Variants in RBFOX1 observed in about 807,000 individuals in gnomAD.
RBFOX1 encodes RNA binding protein fox-1 homolog 1.
RBFOX1 carries 8 observed loss-of-function variants against 57.7 expected under a neutral mutation model. That is an observed-to-expected ratio of 0.14 (90% CI 0.08 to 0.25). The LOEUF (loss-of-function observed/expected upper bound fraction) is 0.25. Ranked by LOEUF, RBFOX1 falls within the 10% of genes least tolerant of loss-of-function variation. The pLI is 1.00. For synonymous variants in RBFOX1, 326 were observed against 222.4 expected (o/e 1.47, Z -4.15); for missense variants, 611 against 548.5 (o/e 1.11, Z -1.14).
At chr16:6,196,544 A>C (rs2097181092) in intron 1 of RBFOX1, among the ~76,000 whole-genome samples, 1 of 152,148 alleles carries the variant, frequency 6.6e-6, no homozygotes, top group African/African-American at 2.4e-5. Context: ...CGTGGCTGCG[A>C]CTTAAAAAGC....
chr16:7,220,532 C>G (rs913326594), intron 4 of RBFOX1, among the ~76,000 whole-genome samples: 20 of 152,236 alleles, frequency 1.3e-4, no homozygotes, highest in African/African-American at 4.8e-4. Flanking sequence ...CCTTATGTGC[C>G]CACTTTGGAT....
At chr16:6,856,311 C>T (rs906961103) in intron 3 of RBFOX1, among the ~76,000 whole-genome samples, 1 of 152,116 alleles carries the variant, frequency 6.6e-6, no homozygotes, top group Non-Finnish European at 1.5e-5. Context: ...GAGTTCTATT[C>T]CCAATTCATA....
At chr16:7,132,744 C>G (rs903927575) in intron 4 of RBFOX1, among the ~76,000 whole-genome samples, 2 of 152,048 alleles carry the variant, frequency 1.3e-5, no homozygotes, top group Admixed American at 6.6e-5. Context: ...AAGACAAATA[C>G]TGCATGATTT....
At chr16:7,082,587 AAAG>A (rs1384505702) in intron 4 of RBFOX1, among the ~76,000 whole-genome samples, 8 of 152,118 alleles carry the variant, frequency 5.3e-5, no homozygotes, top group Admixed American at 3.9e-4. Flanking sequence ...AAAATTAAAA[AAAG>A]AAGGTTTCAG....
rs2072369948 is a variant in RBFOX1, at chr16:7,504,739, A to ATATATTTATT, written c.28-13403_28-13402insTTATTTATAT. ...TATATATATATATATATATATATAT[A>ATATATTTATT]TATATATATATATATTTATATATAT... On this transcript the variant is annotated intron_variant, in intron 4 of 15. Transcript: ENST00000550418. 5.0e-4 allele frequency among the ~76,000 whole-genome samples: 4 copies of ATATATTTATT among 7,974 alleles called. 1 individual carries two copies. In the East Asian group the frequency reaches 0.011, roughly 21 times the overall value. 5.2% of individuals were successfully genotyped at this position (7,974 alleles called of 152,430 possible). A position where few individuals can be genotyped will look rare whatever the true frequency, so the allele number is the denominator to read the frequency against.
intron 3 of RBFOX1, among the ~76,000 whole-genome samples, chr16:6,688,586 G>C (rs530248963): frequency 7.2e-5 from 11 of 152,254 alleles, no homozygotes; most frequent in African/African-American, 2.6e-4. Flanking sequence ...ACTACCAGAG[G>C]TGAAGCCTGT....
At chr16:5,950,424 C>T (rs1030283541) in intron 4 of RBFOX1, among the ~76,000 whole-genome samples, 1 of 152,190 alleles carries the variant, frequency 6.6e-6, no homozygotes, top group African/African-American at 2.4e-5. Context: ...ATTGGCAGTT[C>T]CACATTGGTG....
At chr16:7,416,908 C>T (rs2098483505) in intron 4 of RBFOX1, among the ~76,000 whole-genome samples, 1 of 152,174 alleles carries the variant, frequency 6.6e-6, no homozygotes, top group African/African-American at 2.4e-5. Flanking sequence ...TCCTTATTAT[C>T]CACATTTTAT....
At chr16:6,462,147 A>G (rs2094934457) in intron 2 of RBFOX1, among the ~76,000 whole-genome samples, 1 of 152,216 alleles carries the variant, frequency 6.6e-6, no homozygotes, top group Non-Finnish European at 1.5e-5. Context: ...AGCAACTAAT[A>G]TATGGTTTTG....
chr16:6,376,498 T>C (rs1185322994), intron 2 of RBFOX1, among the ~76,000 whole-genome samples: 1 of 152,182 alleles, frequency 6.6e-6, no homozygotes, highest in African/African-American at 2.4e-5. Flanking sequence ...GTTGCTGGCA[T>C]TCCCTGGCAT....
At chr16:7,428,958 C>G (rs1010997557) in intron 4 of RBFOX1, among the ~76,000 whole-genome samples, 1 of 152,032 alleles carries the variant, frequency 6.6e-6, no homozygotes, top group African/African-American at 2.4e-5. Context: ...ATGCCTGGCG[C>G]TCTGCAAAGA....
chr16:5,973,032 C>A (rs1400858427), intron 4 of RBFOX1, among the ~76,000 whole-genome samples: 1 of 152,176 alleles, frequency 6.6e-6, no homozygotes, highest in Non-Finnish European at 1.5e-5. Flanking sequence ...TTAAACATTT[C>A]AGCTGCCCTG....
intron 11 of RBFOX1, among the ~76,000 whole-genome samples, chr16:7,640,459 A>G (rs1161596135): frequency 2.0e-5 from 3 of 152,224 alleles, no homozygotes; most frequent in Admixed American, 6.5e-5. Flanking sequence ...GCCCCCAAAC[A>G]TCTTATTTGT....
At chr16:7,347,663 G>A (rs974831193) in intron 4 of RBFOX1, among the ~76,000 whole-genome samples, 3 of 152,162 alleles carry the variant, frequency 2.0e-5, no homozygotes, top group African/African-American at 7.2e-5. Flanking sequence ...CTCAGCTACA[G>A]AGACTATCAG....
At chr16:5,382,260 T>C (rs778199493) in intron 1 of RBFOX1, among the ~76,000 whole-genome samples, 1 of 152,250 alleles carries the variant, frequency 6.6e-6, no homozygotes, top group African/African-American at 2.4e-5. Flanking sequence ...CTTTTATGTT[T>C]TTAAAAAATG....
At chr16:5,794,564 A>T (rs2054813071) in intron 3 of RBFOX1, among the ~76,000 whole-genome samples, 1 of 151,860 alleles carries the variant, frequency 6.6e-6, no homozygotes, top group Non-Finnish European at 1.5e-5. Flanking sequence ...CTCATTGGAG[A>T]GGTATAGCTG....
intron 2 of RBFOX1, among the ~76,000 whole-genome samples, chr16:6,560,276 G>C (rs943318012): frequency 2.0e-5 from 3 of 151,468 alleles, no homozygotes; most frequent in Non-Finnish European, 4.4e-5. Flanking sequence ...AATTGTGTTA[G>C]AACATGAGCA....
At chr16:7,472,104 T>A (rs557850387) in intron 4 of RBFOX1, among the ~76,000 whole-genome samples, 57 of 152,330 alleles carry the variant, frequency 3.7e-4, no homozygotes, top group Middle Eastern at 3.4e-3. Context: ...GTAGTTATCA[T>A]TAAAAAATCG....
intron 4 of RBFOX1, among the ~76,000 whole-genome samples, chr16:7,071,453 A>G (rs539860966): frequency 6.6e-6 from 1 of 152,198 alleles, no homozygotes; most frequent in Non-Finnish European, 1.5e-5. Context: ...TAAAGGATAT[A>G]TATGTATTAC....
Sources: gnomAD v4.1 joint callset for allele counts (sites outside exome capture counted in the v4.1 genomes callset) on GRCh38, gnomAD v4.1.1 for gene constraint, MANE v1.5 for transcripts, NCBI Gene and HGNC (gene_info 2026-07-23, HGNC 2026-07-21) for gene names.